The following RBFOX1 variants were observed in gnomAD, a reference collection of about 807,000 sequenced individuals.
The protein encoded by RBFOX1 is RNA binding protein fox-1 homolog 1.
In RBFOX1, 8 loss-of-function variants were observed where a neutral mutation model predicts 57.7. The observed-to-expected ratio is 0.14, with a 90% CI of 0.08 to 0.25. The LOEUF (loss-of-function observed/expected upper bound fraction) is 0.25. Among genes scored for constraint, RBFOX1 ranks in the 10% least tolerant of loss-of-function variants. The pLI is 1.00. For synonymous variants in RBFOX1, 326 were observed against 222.4 expected, an observed-to-expected ratio of 1.47 and a Z score of -4.15; for missense variants, 611 against 548.5, an observed-to-expected ratio of 1.11 and a Z score of -1.14.
Position 5,644,911 on chromosome 16 carries a change from G to C in RBFOX1, c.318+45950G>C, listed in dbSNP as rs1567339873. ...ATTATTTGGGGTATATACCTGAGAA[G>C]AATGAAACGCTCGCACATGCCATGG... is the stretch of plus-strand genomic sequence containing the variant. On this transcript the variant is annotated intron_variant, in intron 3 of 19. Transcript: ENST00000641259. Among the ~76,000 whole-genome samples, 5 of 152,220 alleles carry C rather than the reference G, an allele frequency of 3.3e-5. No individual in the cohort carries two copies. In the South Asian group the frequency reaches 1.0e-3, roughly 32 times the overall value.
chr16:5,531,183 T>A (rs2044463813), intron 2 of RBFOX1, among the ~76,000 whole-genome samples: 1 of 151,952 alleles, frequency 6.6e-6, no homozygotes, highest in African/African-American at 2.4e-5. Flanking sequence ...GAAGGTGGGA[T>A]ACTTTAGGGG....
intron 2 of RBFOX1, among the ~76,000 whole-genome samples, chr16:5,495,621 C>T (rs559463762): frequency 6.6e-6 from 1 of 152,310 alleles, no homozygotes; most frequent in East Asian, 1.9e-4. Context: ...TGGCTAAGAC[C>T]AACGGGACCC....
rs1442347736 is a variant in RBFOX1 at position 5,947,075 on chromosome 16, C to T, written c.351+79740C>T. On this transcript the variant is annotated intron_variant, in intron 4 of 19. Transcript: ENST00000641259. This position sits in a 1 kb window ranked among gnomAD's most constrained non-coding sequence, Gnocchi z 7.2. The stretch of plus-strand genomic sequence containing the variant: ...AAATAAAGTGAAAATAAAATCATCC[C>T]ATGTGGTTGTGCATACTGTAGTCCC... Among the ~76,000 whole-genome samples, 1 of 152,020 alleles carries T rather than the reference C, an allele frequency of 6.6e-6. No individual in the cohort carries two copies. The highest frequency in any genetic ancestry group is 1.5e-5 in the Non-Finnish European group (1 of 68,002).
intron 3 of RBFOX1, among the ~76,000 whole-genome samples, chr16:6,763,563 T>A (rs1236556396): frequency 6.6e-6 from 1 of 152,232 alleles, no homozygotes. Flanking sequence ...TTGGGGTTAT[T>A]TCTTAATAAG....
intron 3 of RBFOX1, among the ~76,000 whole-genome samples, chr16:5,801,999 A>G (rs900830397): frequency 1.1e-4 from 16 of 152,072 alleles, no homozygotes; most frequent in African/African-American, 3.6e-4. Flanking sequence ...GGTCTGCTGG[A>G]GGCTGCATTC....
At chr16:6,107,831 G>C (rs1300857447) in intron 1 of RBFOX1, among the ~76,000 whole-genome samples, 1 of 152,038 alleles carries the variant, frequency 6.6e-6, no homozygotes, top group African/African-American at 2.4e-5. Flanking sequence ...ACCTTACTTT[G>C]AGCACTGAGA....
chr16:6,208,060 A>G (rs944937402), intron 1 of RBFOX1, among the ~76,000 whole-genome samples: 7 of 151,968 alleles, frequency 4.6e-5, no homozygotes, highest in African/African-American at 1.7e-4. Context: ...ATATGTGTGT[A>G]TATATATAGT....
chr16:5,920,227 C>A (rs933963378), intron 4 of RBFOX1, among the ~76,000 whole-genome samples: 3 of 152,222 alleles, frequency 2.0e-5, no homozygotes, highest in Non-Finnish European at 4.4e-5. Context: ...AGCCACCACA[C>A]CCGGCCATAT....
intron 3 of RBFOX1, among the ~76,000 whole-genome samples, chr16:6,874,757 G>A (rs1567666818): frequency 6.6e-6 from 1 of 151,882 alleles, no homozygotes; most frequent in Non-Finnish European, 1.5e-5. Flanking sequence ...ATGACATAAT[G>A]TACTCTTGGG....
chr16:7,445,199 G>A (rs547556433), intron 4 of RBFOX1, among the ~76,000 whole-genome samples: 1 of 152,234 alleles, frequency 6.6e-6, no homozygotes, highest in East Asian at 1.9e-4. Context: ...ACAAAGGAAA[G>A]TTGGTAATAT....
chr16:7,182,369 C>A (rs147854384), intron 4 of RBFOX1, among the ~76,000 whole-genome samples: 2 of 152,168 alleles, frequency 1.3e-5, no homozygotes, highest in South Asian at 2.1e-4. Flanking sequence ...CCTGAAGCCC[C>A]CTCTCTTCAT....
chr16:7,195,692 A>G (rs2086529214), intron 4 of RBFOX1, among the ~76,000 whole-genome samples: 1 of 152,072 alleles, frequency 6.6e-6, no homozygotes, highest in Non-Finnish European at 1.5e-5. Flanking sequence ...AGCTGGAACT[A>G]CAGGCCTGCA....
intron 2 of RBFOX1, among the ~76,000 whole-genome samples, chr16:5,518,200 G>A (rs2094214741): frequency 6.6e-6 from 1 of 152,146 alleles, no homozygotes; most frequent in Admixed American, 6.5e-5. Context: ...TTAATGTGAT[G>A]GATGATGTTC....
chr16:6,881,780 A>T lies in RBFOX1; in HGVS notation c.-15-170277A>T, dbSNP rs115023165. ...GGCATGAGCTTATATACCATTATCC[A>T]CTGGAGCCTCAATGCAACCTACATA... On this transcript the variant is annotated intron_variant, in intron 3 of 15. Transcript: ENST00000550418. Among the ~76,000 whole-genome samples, 429 of 152,272 alleles carry T rather than the reference A, an allele frequency of 2.8e-3. 1 individual carries two copies. The highest frequency in any genetic ancestry group is 9.1e-3 in the African/African-American group (377 of 41,562).
Position 6,708,401 on chromosome 16 carries a change from G to C in RBFOX1, c.-16+53751G>C, listed in dbSNP as rs139697237. On this transcript the variant is annotated intron_variant, in intron 3 of 15. Transcript: ENST00000550418. ...TCATTTTTTCCTAAATCAGACAGGAGTTAAGTTCTAAAATTATAGGATTTT... is the reference window on the plus strand; with the variant it reads ...TCATTTTTTCCTAAATCAGACAGGACTTAAGTTCTAAAATTATAGGATTTT... Among the ~76,000 whole-genome samples, 702 of 152,252 alleles carry C rather than the reference G, an allele frequency of 4.6e-3. 7 individuals carry two copies. The highest frequency in any genetic ancestry group is 0.016 in the African/African-American group (670 of 41,558).
intron 3 of RBFOX1, among the ~76,000 whole-genome samples, chr16:6,856,351 T>G (rs762254310): frequency 6.6e-6 from 1 of 152,092 alleles, no homozygotes; most frequent in Admixed American, 6.6e-5. Context: ...GAATTCTGAG[T>G]AACTAGGATG....
chr16:6,505,865 G>C (rs77110455), intron 2 of RBFOX1, among the ~76,000 whole-genome samples: 4,765 of 152,228 alleles, frequency 0.031, 218 homozygotes, highest in African/African-American at 0.097. Context: ...TAAGGAGCTG[G>C]TGCCACTGTT....
intron 4 of RBFOX1, among the ~76,000 whole-genome samples, chr16:7,152,125 A>C (rs1197987215): frequency 6.6e-6 from 1 of 152,214 alleles, no homozygotes; most frequent in Non-Finnish European, 1.5e-5. Context: ...ATATAAAACA[A>C]AAGAAGGTGT....
chr16:6,625,963 G>A (rs945090947), intron 2 of RBFOX1, among the ~76,000 whole-genome samples: 8 of 152,096 alleles, frequency 5.3e-5, no homozygotes, highest in East Asian at 1.9e-4. Flanking sequence ...TGAGGTACAT[G>A]TTCAGTAATT....
Sources: allele counts gnomAD v4.1 joint callset (sites outside exome capture counted in the v4.1 genomes callset), GRCh38; gene constraint gnomAD v4.1.1; non-coding constraint Gnocchi (gnomAD v3.1); transcripts MANE v1.5; gene names NCBI Gene and HGNC (gene_info 2026-07-23, HGNC 2026-07-21).